Variants in LCA5L observed in about 807,000 individuals in gnomAD.
LCA5L encodes lebercilin-like protein.
LCA5L carries 35 observed loss-of-function variants against 45.4 expected under a neutral mutation model. The observed-to-expected ratio is 0.77, with a 90% CI of 0.59 to 1.02. The LOEUF (loss-of-function observed/expected upper bound fraction) is 1.02, where lower values mean the gene tolerates loss of function less well. Among genes scored for constraint, LCA5L ranks in the 50% least tolerant of loss-of-function variants. The pLI is 0.00. For synonymous variants in LCA5L, 233 were observed against 264.7 expected (o/e 0.88, Z 1.16); for missense variants, 668 against 761.6 (o/e 0.88, Z 1.45).
At chr21:39,422,704 A>T in intron 6 of LCA5L, 1 of 521,632 alleles carries the variant, frequency 1.9e-6, no homozygotes, top group South Asian at 3.3e-5. Context: ...GCTCTCTTAG[A>T]GAATGGTCAT....
At chr21:39,420,680 C>CT (rs776604292) in intron 7 of LCA5L, 26 bp downstream of exon 7, 1 of 1,588,986 alleles carries the variant, frequency 6.3e-7, no homozygotes, top group Non-Finnish European at 8.6e-7. Context: ...GGATTTCATT[C>CT]TTACATTTTG....
chr21:39,437,228 CA>C (rs934099512), intron 2 of LCA5L, among the ~76,000 whole-genome samples: 1 of 151,780 alleles, frequency 6.6e-6, no homozygotes, highest in Non-Finnish European at 1.5e-5. Context: ...CTATCTCAAA[CA>C]AAAAAACAGC....
Position 39,428,376 on chromosome 21 carries a change from GTGAAAA to G in LCA5L, c.112_117del (p.Phe38_Ser39del). ...CTCTTATTGGAAGCATTACTGTTCC[GTGAAAA>G]ATCGCCTGTGCCTGGGCTTCTCTTG... On this transcript the variant is annotated inframe_deletion, in exon 5 of 11. Transcript: ENST00000288350. 1 of 1,613,274 alleles carries G rather than the reference GTGAAAA, an allele frequency of 6.2e-7. No homozygotes were observed. Among genetic ancestry groups the G allele is most frequent in the Non-Finnish European group, 8.5e-7 (1 of 1,179,742 alleles).
chr21:39,414,861 A>T (rs2040859791), intron 7 of LCA5L, among the ~76,000 whole-genome samples: 1 of 151,514 alleles, frequency 6.6e-6, no homozygotes, highest in Non-Finnish European at 1.5e-5. Context: ...ATCTTCCAGA[A>T]ATTCTTTGTT....
At chr21:39,427,976 T>C in intron 5 of LCA5L, 196 bp downstream of exon 5, 1 of 464,056 alleles carries the variant, frequency 2.2e-6, no homozygotes, top group South Asian at 2.8e-5. Context: ...GCTTTACATG[T>C]GAAGCCTTTC....
intron 6 of LCA5L, 55 bp from the exon 7 acceptor site, chr21:39,420,898 T>G: frequency 1.4e-6 from 2 of 1,399,610 alleles, no homozygotes; most frequent in South Asian, 2.5e-5. Flanking sequence ...TGTTAAAAAC[T>G]TCAATTATCA....
chr21:39,434,748 G>C (rs1233885467), intron 3 of LCA5L, among the ~76,000 whole-genome samples: 1 of 152,044 alleles, frequency 6.6e-6, no homozygotes, highest in Non-Finnish European at 1.5e-5. Flanking sequence ...GAACTCCTAG[G>C]CTCAAGCAAT....
At position 39,428,224 on chromosome 21, in the gene LCA5L, T is replaced by A. The variant is rs1387834461; in HGVS notation, c.270A>T (p.Val90=). The A allele has an allele frequency of 6.2e-7, 1 of 1,601,154 alleles. No individual in the cohort carries two copies. Among genetic ancestry groups the A allele is most frequent in the African/African-American group, 1.3e-5 (1 of 74,576 alleles). ...TATACTTTTTCTTCTCCTTTTCTTT[T>A]ACCACAGGCTGCTTTAAATAATTTC... ...INRNYLKQPV[V]KEKEKKKYNV... The change falls in exon 5 of 11, where the codon GTA becomes GTT. Residue 90 remains valine, a synonymous_variant. Transcript: ENST00000288350.
chr21:39,428,757 T>C (rs1228019922), intron 4 of LCA5L, among the ~76,000 whole-genome samples: 1 of 149,450 alleles, frequency 6.7e-6, no homozygotes, highest in Admixed American at 6.7e-5. Context: ...GGACTACGAG[T>C]GTGTGCCGTC....
At chr21:39,425,691 G>A (rs2074559905) in intron 5 of LCA5L, among the ~76,000 whole-genome samples, 2 of 152,248 alleles carry the variant, frequency 1.3e-5, no homozygotes, top group Admixed American at 1.3e-4. Flanking sequence ...AGGGGTGGGC[G>A]AGGACTGACA....
intron 6 of LCA5L, among the ~76,000 whole-genome samples, chr21:39,421,115 T>C (rs1379531253): frequency 6.6e-6 from 1 of 151,732 alleles, no homozygotes; most frequent in African/African-American, 2.4e-5. Flanking sequence ...TTTTTTTTTT[T>C]TTTCTAAGTT....
chr21:39,410,285 A>G lies in LCA5L; in HGVS notation c.1143T>C (p.Asp381=), dbSNP rs749638976. The G allele has an allele frequency of 1.9e-6, 3 of 1,607,646 alleles. No homozygotes were observed. The highest frequency in any genetic ancestry group is 2.2e-5 in the South Asian group (2 of 89,674). Residue 381 remains aspartate, a synonymous_variant, in exon 9 of 11, where the codon GAT becomes GAC. Coordinates refer to ENST00000288350, the MANE Select transcript of LCA5L (RefSeq NM_152505.4). ...SMRHQGTQKS[D]VPPLTTKGKK... is the part of the protein sequence containing the mutation. ...GTACCTTAGTTGTCAAAGGTGGAAC[A>G]TCTGATTTTTGGGTTCCCTGGTGTC...
intron 2 of LCA5L, chr21:39,439,001 A>G (rs1019483033): frequency 1.3e-5 from 2 of 152,180 alleles, no homozygotes; most frequent in African/African-American, 2.4e-5. Context: ...GTGTTACTAT[A>G]TATAGCAAAA....
At chr21:39,437,361 A>G (rs537497701) in intron 2 of LCA5L, among the ~76,000 whole-genome samples, 10 of 152,356 alleles carry the variant, frequency 6.6e-5, no homozygotes, top group African/African-American at 2.4e-4. Context: ...TTGGAAAAGA[A>G]GAGGCAAGTT....
At chr21:39,430,775 C>T (rs776946457) in intron 3 of LCA5L, among the ~76,000 whole-genome samples, 14 of 152,172 alleles carry the variant, frequency 9.2e-5, no homozygotes, top group Non-Finnish European at 1.6e-4. Flanking sequence ...ATATGCTGGA[C>T]ACCACAGCTC....
chr21:39,430,601 G>A (rs1172722226), intron 3 of LCA5L, among the ~76,000 whole-genome samples: 4 of 152,122 alleles, frequency 2.6e-5, no homozygotes, highest in Non-Finnish European at 5.9e-5. Context: ...GCTTATCTGA[G>A]GAATGCAACC....
chr21:39,444,327 CA>C (rs1485389763), intron 1 of LCA5L, 126 bp from the exon 2 acceptor site: 3 of 152,142 alleles, frequency 2.0e-5, no homozygotes, highest in Admixed American at 2.0e-4. Context: ...AGTTCTGTTC[CA>C]GGGGCACTGT....
At position 39,411,241 on chromosome 21, in the gene LCA5L, C is replaced by T. The variant is rs770325990; in HGVS notation, c.1060+477G>A. 4.4e-4 allele frequency: 93 copies of T among 211,152 alleles called. 1 individual carries two copies. The highest frequency in any genetic ancestry group is 7.3e-4 in the South Asian group (10 of 13,640). 13.1% of individuals were successfully genotyped at this position (211,152 alleles called of 1,614,324 possible). ...AGGGGACTACTGACTGCAGGGGACA[C>T]GAGGAAACTTCCTGGGGAGGTGGAA... On this transcript the variant is annotated intron_variant, in intron 8 of 10. Transcript: ENST00000288350.
At position 39,410,373 on chromosome 21, in the gene LCA5L, G is replaced by C. The variant is rs2039876759; in HGVS notation, c.1061-6C>G. The C allele has an allele frequency of 2.0e-6, 3 of 1,467,160 alleles. No individual in the cohort carries two copies. Among genetic ancestry groups the C allele is most frequent in the Non-Finnish European group, 1.9e-6 (2 of 1,059,094 alleles). The allele number at this position is 1,467,160 out of a possible 1,614,324, so 90.9% of individuals were successfully genotyped here. A position where few individuals can be genotyped will look rare whatever the true frequency, so the allele number is the denominator to read the frequency against. ...GACTGATTTTGTTGAAGAAACTATG[G>C]AACAGGTAGATTATATGTAAGAAAC... On this transcript the variant is annotated splice_polypyrimidine_tract_variant and splice_region_variant and intron_variant, in intron 8 of 10. Coordinates refer to ENST00000288350, the MANE Select transcript of LCA5L (RefSeq NM_152505.4).
Sources: gnomAD v4.1 joint callset for allele counts (sites outside exome capture counted in the v4.1 genomes callset) on GRCh38, gnomAD v4.1.1 for gene constraint, MANE v1.5 for transcripts, NCBI Gene and HGNC (gene_info 2026-07-23, HGNC 2026-07-21) for gene names.